LRRC49: variants seen among roughly 807,000 people sequenced by gnomAD.
LRRC49 encodes leucine rich repeat containing 49.
Under a neutral mutation model 83.3 loss-of-function variants are expected in LRRC49, and 50 were observed. The ratio of observed to expected loss-of-function variants is 0.60; its 90% confidence interval spans 0.48 to 0.76. The LOEUF (loss-of-function observed/expected upper bound fraction) is 0.76. Ranked by LOEUF, LRRC49 falls within the 30% of genes least tolerant of loss-of-function variation. The pLI, the probability that LRRC49 is intolerant of heterozygous loss-of-function variation, is 0.00. For synonymous variants in LRRC49, 286 were observed against 283.3 expected (o/e 1.01, Z -0.10); for missense variants, 704 against 809.1 (o/e 0.87, Z 1.58).
At chr15:71,037,406 A>G in intron 15 of LRRC49, 74 bp downstream of exon 15, 3 of 1,231,838 alleles carry the variant, frequency 2.4e-6, no homozygotes, top group Non-Finnish European at 3.4e-6. Flanking sequence ...GGGGTTGTAC[A>G]TTTTACCCTT....
At chr15:70,988,133 C>T (rs1348295472) in intron 11 of LRRC49, among the ~76,000 whole-genome samples, 38 of 151,500 alleles carry the variant, frequency 2.5e-4, no homozygotes, top group Non-Finnish European at 4.9e-4. Flanking sequence ...GTGGAGAGTT[C>T]TGTAGATGTC....
At chr15:70,907,255 A>G (rs959574204) in intron 5 of LRRC49, among the ~76,000 whole-genome samples, 1 of 152,212 alleles carries the variant, frequency 6.6e-6, no homozygotes, top group Non-Finnish European at 1.5e-5. Flanking sequence ...CCCACATTAC[A>G]AAGCTCTGCA....
intron 9 of LRRC49, among the ~76,000 whole-genome samples, chr15:70,977,195 T>C (rs1217915209): frequency 1.3e-5 from 2 of 152,236 alleles, no homozygotes; most frequent in East Asian, 3.8e-4. Flanking sequence ...TGAAATAGAT[T>C]GTACTCTGTA....
intron 11 of LRRC49, among the ~76,000 whole-genome samples, chr15:71,006,198 T>C (rs574387890): frequency 2.3e-4 from 35 of 152,364 alleles, no homozygotes; most frequent in African/African-American, 5.8e-4. Context: ...GTTTATTATG[T>C]CACTTATTTC....
At chr15:70,942,465 A>G (rs1040490713) in intron 8 of LRRC49, among the ~76,000 whole-genome samples, 2 of 152,214 alleles carry the variant, frequency 1.3e-5, no homozygotes, top group East Asian at 3.9e-4. Flanking sequence ...GAAACAAAGT[A>G]TAAGTATATT....
At chr15:70,894,835 A>G (rs2033761837) in intron 2 of LRRC49, 1 of 198,384 alleles carries the variant, frequency 5.0e-6, no homozygotes, top group Non-Finnish European at 1.1e-5. Context: ...ATATATGAAT[A>G]TGAAAATGGT....
intron 15 of LRRC49, among the ~76,000 whole-genome samples, chr15:71,044,947 A>G (rs2039810661): frequency 8.0e-6 from 1 of 124,520 alleles, no homozygotes; most frequent in South Asian, 2.7e-4. Context: ...GCTGGAGTGC[A>G]GTGGTGTGAT....
chr15:70,908,409 G>T (rs923081802), intron 5 of LRRC49, among the ~76,000 whole-genome samples: 5 of 152,174 alleles, frequency 3.3e-5, no homozygotes, highest in Non-Finnish European at 5.9e-5. Context: ...GGAGGCTAGG[G>T]AATATGGGTT....
At chr15:70,960,657 A>G (rs1449945835) in intron 8 of LRRC49, among the ~76,000 whole-genome samples, 1 of 152,232 alleles carries the variant, frequency 6.6e-6, no homozygotes, top group Non-Finnish European at 1.5e-5. Flanking sequence ...GATCTTTGAT[A>G]AAGGAGCAAA....
chr15:70,881,388 A>G (rs2033260818), intron 2 of LRRC49: 1 of 152,252 alleles, frequency 6.6e-6, no homozygotes, highest in South Asian at 2.1e-4. Context: ...ACATAAAATT[A>G]CATTTGGAAG....
At chr15:70,922,058 C>T (rs146143532) in intron 7 of LRRC49, among the ~76,000 whole-genome samples, 4,393 of 152,090 alleles carry the variant, frequency 0.029, 219 homozygotes, top group African/African-American at 0.1. Flanking sequence ...GAAAAGGGAA[C>T]CCTTGTACAT....
In LRRC49 at chr15:71,008,469, A is replaced by G. The variant is rs772099705; in HGVS notation, c.1260A>G (p.Leu420=). ...LVEVDGDTLS[L]YGSGALESLD... is the part of the protein sequence containing the mutation. ...AAGTGGACGGGGATACACTTTCCCT[A>G]TATGGCTCAGGAGCACTGGAATCTC... The change falls in exon 12 of 16, where the codon CTA becomes CTG. Residue 420 remains leucine (L), a synonymous_variant. Transcript: ENST00000260382. 17 of 1,612,834 alleles carry G rather than the reference A, an allele frequency of 1.1e-5. No homozygotes were observed. The African/African-American group carries it at 2.0e-4, about 19-fold the overall frequency.
At chr15:70,992,138 C>A (rs942447052) in intron 11 of LRRC49, among the ~76,000 whole-genome samples, 8 of 152,090 alleles carry the variant, frequency 5.3e-5, no homozygotes, top group Non-Finnish European at 1.2e-4. Flanking sequence ...ACATAGTTCC[C>A]GTGCCATGGT....
intron 4 of LRRC49, among the ~76,000 whole-genome samples, chr15:70,902,051 T>C (rs991864111): frequency 1.3e-5 from 2 of 152,238 alleles, no homozygotes; most frequent in Non-Finnish European, 2.9e-5. Flanking sequence ...GGTTCTAACA[T>C]GTTCTTTTGT....
chr15:70,919,167 T>C lies in LRRC49; in HGVS notation c.685T>C (p.Leu229=), dbSNP rs774182786. The C allele has an allele frequency of 8.7e-6, 14 of 1,612,410 alleles. No individual in the cohort carries two copies. Among genetic ancestry groups the C allele is most frequent in the Admixed American group, 3.3e-5 (2 of 59,716 alleles). ...GCTGGATTCACTAACTGAACTTAACTTGCGACACAATCAAATCACTTTCGT... is the reference window on the plus strand; with the variant it reads ...GCTGGATTCACTAACTGAACTTAACCTGCGACACAATCAAATCACTTTCGT... ...NGLDSLTELN[L]RHNQITFVRD... is the part of the protein sequence containing the mutation. Residue 229 remains leucine, a synonymous_variant, in exon 7 of 16, where the codon TTG becomes CTG. Coordinates refer to ENST00000260382, the MANE Select transcript of LRRC49 (RefSeq NM_017691.5).
chr15:70,878,363 A>T (rs979215659), intron 2 of LRRC49, among the ~76,000 whole-genome samples: 2 of 152,150 alleles, frequency 1.3e-5, no homozygotes. Context: ...TATCATCTCT[A>T]AAAAAAGGAC....
intron 8 of LRRC49, among the ~76,000 whole-genome samples, chr15:70,954,233 T>C (rs1007318306): frequency 6.6e-6 from 1 of 152,208 alleles, no homozygotes; most frequent in African/African-American, 2.4e-5. Context: ...TCTATTCTGC[T>C]TTTAATGCAT....
chr15:70,912,762 C>T (rs962269764), intron 6 of LRRC49, among the ~76,000 whole-genome samples: 9 of 151,926 alleles, frequency 5.9e-5, no homozygotes, highest in Admixed American at 3.3e-4. Flanking sequence ...CTGCAAGCTC[C>T]GCCTCCCGGG....
chr15:70,893,553 CAAATTTTA>C (rs768554987), intron 1 of LRRC49, 23 bp from the exon 2 acceptor site: 65 of 1,483,920 alleles, frequency 4.4e-5, no homozygotes, highest in Non-Finnish European at 6.1e-5. Context: ...GTATTAAGAG[CAAATTTTA>C]TGGTTTAATT....
Sources: allele counts gnomAD v4.1 joint callset (sites outside exome capture counted in the v4.1 genomes callset), GRCh38; gene constraint gnomAD v4.1.1; transcripts MANE v1.5; gene names NCBI Gene and HGNC (gene_info 2026-07-23, HGNC 2026-07-21).